Variants in LIPI observed in about 807,000 individuals in gnomAD.
LIPI encodes lipase member I.
Under a neutral mutation model 50.6 loss-of-function variants are expected in LIPI, and 59 were observed. The ratio of observed to expected loss-of-function variants is 1.16; its 90% confidence interval spans 0.94 to 1.45. LIPI has a LOEUF of 1.45. Ranked by LOEUF, LIPI falls within the 40% of genes most tolerant of loss-of-function variation. The pLI, the probability that LIPI is intolerant of heterozygous loss-of-function variation, is 0.00. For synonymous variants in LIPI, 203 were observed against 178.2 expected, an observed-to-expected ratio of 1.14 and a Z score of -1.11; for missense variants, 586 against 536.3, an observed-to-expected ratio of 1.09 and a Z score of -0.92.
chr21:14,164,438 C>T (rs1600883140), intron 6 of LIPI, among the ~76,000 whole-genome samples: 1 of 152,122 alleles, frequency 6.6e-6, no homozygotes, highest in African/African-American at 2.4e-5. Flanking sequence ...GCATACCCCT[C>T]CTAGGGTGTT....
Position 14,108,903 on chromosome 21 carries a change from T to A in LIPI, c.*90A>T, listed in dbSNP as rs2016295327. 6.7e-7 allele frequency: 1 copy of A among 1,484,678 alleles called. No homozygotes were observed. The highest frequency in any genetic ancestry group is 1.4e-5 in the African/African-American group (1 of 72,022). The allele number at this position is 1,484,678 out of a possible 1,614,324, so 92.0% of individuals were successfully genotyped here. ...GAAATAGAAATACTTGAATCTCAAA[T>A]TGAACAGTGCATTATAAAAGACTGA... On this transcript the variant is annotated 3_prime_UTR_variant, in exon 10 of 10. Coordinates refer to ENST00000681601, the MANE Select transcript of LIPI (RefSeq NM_001302998.2).
intron 4 of LIPI, among the ~76,000 whole-genome samples, chr21:14,170,911 G>T (rs1313090198): frequency 6.6e-6 from 1 of 151,788 alleles, no homozygotes; most frequent in East Asian, 1.9e-4. Flanking sequence ...ATTAGGAAAA[G>T]AGAAAGTCAA....
chr21:14,168,155 G>T (rs2018760547), intron 4 of LIPI, among the ~76,000 whole-genome samples: 1 of 152,070 alleles, frequency 6.6e-6, no homozygotes, highest in Non-Finnish European at 1.5e-5. Flanking sequence ...AAGAAGGGAA[G>T]TTTAGAGAAA....
intron 8 of LIPI, among the ~76,000 whole-genome samples, chr21:14,149,628 A>T (rs1041165588): frequency 6.6e-6 from 1 of 152,204 alleles, no homozygotes; most frequent in African/African-American, 2.4e-5. Context: ...TCCTAGATAC[A>T]ATGGGGGTAC....
At chr21:14,110,164 G>A (rs1556275) in intron 9 of LIPI, among the ~76,000 whole-genome samples, 75,612 of 150,894 alleles carry the variant, frequency 0.5, 18,949 homozygotes, top group Admixed American at 0.53. Flanking sequence ...ATGAATTCAA[G>A]TACAATCCAG....
intron 2 of LIPI, among the ~76,000 whole-genome samples, chr21:14,188,161 A>G (rs189215263): frequency 2.8e-3 from 434 of 152,348 alleles, no homozygotes; most frequent in Middle Eastern, 0.01. Flanking sequence ...GGGTTGACTT[A>G]ATAAACAAAA....
chr21:14,152,506 T>C, intron 8 of LIPI, 67 bp downstream of exon 8: 1 of 762,524 alleles, frequency 1.3e-6, no homozygotes, highest in South Asian at 1.6e-5. Context: ...AAATTATCTG[T>C]TGGATGGGAT....
chr21:14,186,321 T>TATG (rs1332930847), intron 2 of LIPI, among the ~76,000 whole-genome samples: 2 of 152,194 alleles, frequency 1.3e-5, no homozygotes, highest in African/African-American at 4.8e-5. Context: ...TGCAGAACAG[T>TATG]ATGCAAAATG....
In LIPI at chr21:14,184,489, TA is replaced by T. The variant is rs199740309; in HGVS notation, c.541+1471del. Among the ~76,000 whole-genome samples, 1,188 of 152,008 alleles carry T rather than the reference TA, an allele frequency of 7.8e-3. 19 individuals carry two copies. Among genetic ancestry groups the T allele is most frequent in the African/African-American group, 0.026 (1,082 of 41,490 alleles). ...CTTAAAGTATAATAATAATAAAATT[TA>T]AAAAAAATTTAAATAAAACTGAAAA... On this transcript the variant is annotated intron_variant, in intron 3 of 9. Transcript: ENST00000681601.
chr21:14,117,093 C>T lies in LIPI; in HGVS notation c.1296-8013G>A, dbSNP rs143456067. On this transcript the variant is annotated intron_variant, in intron 9 of 9. Coordinates refer to ENST00000681601, the MANE Select transcript of LIPI (RefSeq NM_001302998.2). ...GGAGGAACTCCAGGATGAGGTTGGCCGTCCCTGGTCAGGACACACCCAAGC... is the reference window on the plus strand; with the variant it reads ...GGAGGAACTCCAGGATGAGGTTGGCTGTCCCTGGTCAGGACACACCCAAGC... Among the ~76,000 whole-genome samples the T allele has an allele frequency of 1.4e-3, 215 of 152,206 alleles. 1 individual carries two copies. The highest frequency in any genetic ancestry group is 2.5e-3 in the Non-Finnish European group (169 of 68,024).
chr21:14,188,644 C>T (rs1363254082), intron 2 of LIPI, among the ~76,000 whole-genome samples: 2 of 151,158 alleles, frequency 1.3e-5, no homozygotes, highest in Non-Finnish European at 2.9e-5. Context: ...ATATTTTAGC[C>T]GTATATTTTA....
At position 14,181,859 on chromosome 21, in the gene LIPI, C is replaced by T. The variant is rs746391309; in HGVS notation, c.542G>A (p.Gly181Asp). ...IFHGQLGRIT[G>D]LDPAGPRFSR... Reference sequence around the variant, plus strand: ...GAACCTTGGCCCAGCAGGGTCAAGACCTGGAAAGCAAGAAAGAAATAATCA... The same window carrying T: ...GAACCTTGGCCCAGCAGGGTCAAGATCTGGAAAGCAAGAAAGAAATAATCA... The change falls in exon 4 of 10, where the codon GGT (glycine) becomes GAT (aspartate). Residue 181 changes from glycine (G) to aspartate (D), a missense_variant and splice_region_variant. Transcript: ENST00000681601. 8.9e-6 allele frequency: 14 copies of T among 1,577,990 alleles called. No homozygotes were observed. The highest frequency in any genetic ancestry group is 2.7e-5 in the African/African-American group (2 of 74,172).
chr21:14,125,371 A>G (rs934699026), intron 9 of LIPI, among the ~76,000 whole-genome samples: 2 of 152,218 alleles, frequency 1.3e-5, no homozygotes, highest in Non-Finnish European at 2.9e-5. Flanking sequence ...ATAAAGTTAT[A>G]AACCCTAAAT....
intron 3 of LIPI, among the ~76,000 whole-genome samples, chr21:14,184,095 G>T (rs908081589): frequency 1.3e-5 from 2 of 152,168 alleles, no homozygotes; most frequent in African/African-American, 2.4e-5. Context: ...AACAACGATA[G>T]ACCGGATTAA....
intron 9 of LIPI, among the ~76,000 whole-genome samples, chr21:14,124,112 C>T (rs1317750462): frequency 6.6e-6 from 1 of 152,030 alleles, no homozygotes; most frequent in Non-Finnish European, 1.5e-5. Flanking sequence ...TCTAATACTG[C>T]CTTGTCTTTT....
intron 9 of LIPI, among the ~76,000 whole-genome samples, chr21:14,115,261 G>A (rs2016581588): frequency 6.6e-6 from 1 of 152,098 alleles, no homozygotes; most frequent in African/African-American, 2.4e-5. Flanking sequence ...AAAGTTACAA[G>A]GTTGATACAG....
intron 8 of LIPI, among the ~76,000 whole-genome samples, chr21:14,147,641 C>A (rs892468234): frequency 4.6e-5 from 7 of 152,128 alleles, no homozygotes; most frequent in Non-Finnish European, 7.3e-5. Context: ...TAGAAGAACT[C>A]AATAATTTGT....
chr21:14,151,101 T>C (rs185478874), intron 8 of LIPI, among the ~76,000 whole-genome samples: 2 of 152,320 alleles, frequency 1.3e-5, no homozygotes, highest in East Asian at 3.9e-4. Flanking sequence ...TTTATGTTAC[T>C]TCAGTACACA....
chr21:14,202,068 A>G (rs1405780737), intron 1 of LIPI, among the ~76,000 whole-genome samples: 2 of 152,166 alleles, frequency 1.3e-5, no homozygotes, highest in Admixed American at 6.6e-5. Flanking sequence ...GCAAATCATG[A>G]ACTCCCATTC....
Sources: allele counts gnomAD v4.1 joint callset (sites outside exome capture counted in the v4.1 genomes callset), GRCh38; gene constraint gnomAD v4.1.1; transcripts MANE v1.5; gene names NCBI Gene and HGNC (gene_info 2026-07-23, HGNC 2026-07-21).